Variants in GANAB observed in about 807,000 individuals in gnomAD.
The protein encoded by GANAB is glucosidase II alpha subunit.
GANAB carries 35 observed loss-of-function variants against 129.9 expected under a neutral mutation model. The ratio of observed to expected loss-of-function variants is 0.27; its 90% CI spans 0.21 to 0.36. GANAB has a LOEUF of 0.36. Ranked by LOEUF, GANAB falls within the 10% of genes least tolerant of loss-of-function variation. The probability of loss-of-function intolerance (pLI) is 1.00; values close to 1 mark genes in which losing one functional copy is unlikely to be tolerated. For missense variants in GANAB, 939 were observed against 1,221.0 expected, an observed-to-expected ratio of 0.77 and a Z score of 3.44; for synonymous variants, 482 against 451.8, an observed-to-expected ratio of 1.07 and a Z score of -0.85.
At chr11:62,646,367 C>T (rs1411770403) in intron 1 of GANAB, among the ~76,000 whole-genome samples, 195 bp downstream of exon 1, 1 of 152,050 alleles carries the variant, frequency 6.6e-6, no homozygotes, top group Admixed American at 6.5e-5. Context: ...CCCGGAGCCC[C>T]ACAGGCAAGG....
chr11:62,628,737 C>A (rs749298379), intron 17 of GANAB, 32 bp downstream of exon 17: 1 of 1,604,984 alleles, frequency 6.2e-7, no homozygotes, highest in Non-Finnish European at 8.5e-7. Context: ...GCCACCTCAG[C>A]CCACTCTTCA....
intron 18 of GANAB, 34 bp from the exon 19 acceptor site, chr11:62,627,158 G>T (rs763082802): frequency 1.9e-6 from 3 of 1,571,166 alleles, no homozygotes; most frequent in East Asian, 2.2e-5. Context: ...TGAATAGGGG[G>T]ATTAGTTCCC....
intron 4 of GANAB, among the ~76,000 whole-genome samples, chr11:62,635,998 ATT>A (rs916294321): frequency 1.3e-5 from 2 of 150,576 alleles, no homozygotes; most frequent in African/African-American, 4.9e-5. Context: ...GACTTAAAAA[ATT>A]TTTTTTTCTT....
intron 5 of GANAB, chr11:62,633,918 G>A (rs538871365): frequency 5.3e-6 from 2 of 376,396 alleles, no homozygotes; most frequent in Non-Finnish European, 9.8e-6. Context: ...GCAAAGGCAT[G>A]TGGGTCATAC....
In GANAB at chr11:62,630,820, G is replaced by A; in HGVS notation, c.1167C>T (p.Pro389=). ...GGTGGTAGCCGAGGGAGAAGAGTGG[G>A]GGCAACGCCTGGGTTCCTGCAGGTT... ...YASLTGTQAL[P]PLFSLGYHQS... is the part of the protein sequence containing the mutation. The change falls in exon 11 of 24, where the codon CCC becomes CCT. Residue 389 remains proline (P), a synonymous_variant. Transcript: ENST00000356638. 6.2e-7 allele frequency: 1 copy of A among 1,613,642 alleles called. No homozygotes were observed.
intron 1 of GANAB, among the ~76,000 whole-genome samples, chr11:62,645,721 A>T (rs1323063695): frequency 6.6e-6 from 1 of 152,178 alleles, no homozygotes; most frequent in South Asian, 2.1e-4. Context: ...AGAGGTGTTC[A>T]TAGGCCAAAG....
At chr11:62,645,256 G>A (rs1944427000) in intron 1 of GANAB, among the ~76,000 whole-genome samples, 1 of 152,184 alleles carries the variant, frequency 6.6e-6, no homozygotes, top group African/African-American at 2.4e-5. Flanking sequence ...GTGAGTTGAG[G>A]CCGGGCGCGG....
rs766656117 is a variant in GANAB at position 62,631,085 on chromosome 11, G to C, written c.1095C>G (p.Phe365Leu). The C allele has an allele frequency of 1.2e-6, 2 of 1,611,236 alleles. No individual in the cohort carries two copies. The highest frequency in any genetic ancestry group is 1.7e-6 in the Non-Finnish European group (2 of 1,177,522). Reference sequence around the variant, plus strand: ...CAGAGATGGAGGGCCCCAGCAGCAGGAAGACGTCAATGATGCCAGTCTCTG... The same window carrying C: ...CAGAGATGGAGGGCCCCAGCAGCAGCAAGACGTCAATGATGCCAGTCTCTG... Reference protein sequence around the residue: ...WMSETGIIDVFLLLGPSISDV... With the variant: ...WMSETGIIDVLLLLGPSISDV... Residue 365 changes from phenylalanine to leucine, a missense_variant, in exon 10 of 24, where the codon TTC becomes TTG. Physicochemically the swap from Phe to Leu is conservative, Grantham distance 22 (BLOSUM62 0). Around this residue, in one of 5 missense-constraint regions of GANAB, gnomAD observed 220 missense variants for 295.9 expected, o/e 0.74. Coordinates refer to ENST00000356638, the MANE Select transcript of GANAB (RefSeq NM_198334.3).
chr11:62,640,915 G>A (rs1415526698), intron 1 of GANAB, among the ~76,000 whole-genome samples: 8 of 147,544 alleles, frequency 5.4e-5, no homozygotes, highest in African/African-American at 2.0e-4. Flanking sequence ...GGTGACATCA[G>A]CCTCTCAGAG....
At chr11:62,628,741 C>G (rs768471344) in intron 17 of GANAB, 28 bp downstream of exon 17, 1 of 1,606,090 alleles carries the variant, frequency 6.2e-7, no homozygotes, top group Non-Finnish European at 8.5e-7. Context: ...CCTCAGCCCA[C>G]TCTTCACAGC....
intron 9 of GANAB, among the ~76,000 whole-genome samples, chr11:62,631,851 A>G (rs781724396): frequency 6.6e-6 from 1 of 151,952 alleles, no homozygotes; most frequent in African/African-American, 2.4e-5. Context: ...TCCTGGCCTC[A>G]AGCGATCCTC....
rs1160548555 is a variant in GANAB, at chr11:62,630,290, AG to A, written c.1514-15del. 1.9e-6 allele frequency: 3 copies of A among 1,613,190 alleles called. No homozygotes were observed. The South Asian group carries it at 3.3e-5, about 18-fold the overall frequency. On this transcript the variant is annotated splice_polypyrimidine_tract_variant and intron_variant, in intron 12 of 23. Transcript: ENST00000356638. ...AACCAGCTGAGCCTGGGAGAAGTTA[AG>A]GGTGGCTCTCAATCCCCTAAGGGGC...
At chr11:62,639,589 A>C (rs1338949142) in intron 2 of GANAB, 38 bp downstream of exon 2, 1 of 1,510,000 alleles carries the variant, frequency 6.6e-7, no homozygotes, top group Admixed American at 1.7e-5. Flanking sequence ...TTACCCTACA[A>C]CCCTACATTC....
chr11:62,633,146 A>G lies in GANAB; in HGVS notation c.718+38T>C, dbSNP rs772486482. 12 of 1,600,306 alleles carry G rather than the reference A, an allele frequency of 7.5e-6. No homozygotes were observed. In the Admixed American group the frequency reaches 1.7e-4, roughly 22 times the overall value. On this transcript the variant is annotated intron_variant, in intron 7 of 23. Coordinates refer to ENST00000356638, the MANE Select transcript of GANAB (RefSeq NM_198334.3). ...GCTTCAGAGCTTCTGCTTGGAAAGGAGCCCTGCACCCCAGCCCAAGGAACC... is the reference window on the plus strand; with the variant it reads ...GCTTCAGAGCTTCTGCTTGGAAAGGGGCCCTGCACCCCAGCCCAAGGAACC...
rs201705530 is a variant in GANAB at position 62,630,287 on chromosome 11, T to G, written c.1514-11A>C. The G allele has an allele frequency of 5.0e-5, 80 of 1,613,246 alleles. No individual in the cohort carries two copies. The highest frequency in any genetic ancestry group is 1.5e-4 in the Admixed American group (9 of 59,882). The stretch of plus-strand genomic sequence containing the variant: ...GGTAACCAGCTGAGCCTGGGAGAAG[T>G]TAAGGGTGGCTCTCAATCCCCTAAG... On this transcript the variant is annotated splice_polypyrimidine_tract_variant and intron_variant, in intron 12 of 23. Coordinates refer to ENST00000356638, the MANE Select transcript of GANAB (RefSeq NM_198334.3).
chr11:62,646,420 T>G lies in GANAB; in HGVS notation c.38+142A>C. Reference sequence around the variant, plus strand: ...ATCTACCACGGGGAGACCGGAGGCGTCTGAGGCCGCCTCCAGAGGAACAAA... The same window carrying G: ...ATCTACCACGGGGAGACCGGAGGCGGCTGAGGCCGCCTCCAGAGGAACAAA... On this transcript the variant is annotated intron_variant, in intron 1 of 23. Transcript: ENST00000356638. 2 of 943,020 alleles carry G rather than the reference T, an allele frequency of 2.1e-6. 1 individual carries two copies. The highest frequency in any genetic ancestry group is 2.9e-5 in the South Asian group (2 of 69,238). 58.4% of individuals were successfully genotyped at this position (943,020 alleles called of 1,614,324 possible).
At chr11:62,645,244 C>G (rs962076465) in intron 1 of GANAB, among the ~76,000 whole-genome samples, 1 of 152,080 alleles carries the variant, frequency 6.6e-6, no homozygotes, top group African/African-American at 2.4e-5. Flanking sequence ...AATAGAAGTA[C>G]AGTGAGTTGA....
chr11:62,645,792 G>A (rs1375511772), intron 1 of GANAB, among the ~76,000 whole-genome samples: 2 of 152,168 alleles, frequency 1.3e-5, no homozygotes, highest in Non-Finnish European at 2.9e-5. Flanking sequence ...AGGCTCCGAG[G>A]GAACTGAGTT....
At position 62,646,565 on chromosome 11, in the gene GANAB, C is replaced by T; in HGVS notation, c.35G>A (p.Arg12Lys). The part of the protein sequence containing the change: ...AAVAAVAARR[R>K]RSWASLVLAF... ...CCCCAGATTCCGGGCTCCTCACCGC[C>T]TCCTACGCGCCGCCACTGCCGCTAC... The change falls in exon 1 of 24, where the codon AGG (arginine) becomes AAG (lysine). Residue 12 changes from arginine (R) to lysine (K), a missense_variant. Physicochemically the swap from Arg to Lys is conservative, Grantham distance 26. Coordinates refer to ENST00000356638, the MANE Select transcript of GANAB (RefSeq NM_198334.3). 6.2e-7 allele frequency: 1 copy of T among 1,613,696 alleles called. No homozygotes were observed. The highest frequency in any genetic ancestry group is 8.5e-7 in the Non-Finnish European group (1 of 1,179,932).
Sources: allele counts gnomAD v4.1 joint callset (sites outside exome capture counted in the v4.1 genomes callset), GRCh38; gene constraint gnomAD v4.1.1; regional missense constraint gnomAD v4.1.1; transcripts MANE v1.5; gene names NCBI Gene and HGNC (gene_info 2026-07-23, HGNC 2026-07-21).